The following KCNIP4 variants were observed in gnomAD, a reference collection of about 807,000 sequenced individuals.
The protein encoded by KCNIP4 is Kv channel-interacting protein 4.
KCNIP4 carries 12 observed loss-of-function variants against 34.0 expected under a neutral mutation model. The ratio of observed to expected loss-of-function variants is 0.35; its 90% CI spans 0.23 to 0.57. The LOEUF is 0.57. Ranked by LOEUF, KCNIP4 falls within the 20% of genes least tolerant of loss-of-function variation. The pLI is 0.83. For synonymous variants in KCNIP4, 124 were observed against 102.2 expected (o/e 1.21, Z -1.29); for missense variants, 238 against 311.7 (o/e 0.76, Z 1.78).
chr4:21,307,002 A>G (rs1272262690), intron 1 of KCNIP4, among the ~76,000 whole-genome samples: 4 of 151,958 alleles, frequency 2.6e-5, no homozygotes, highest in African/African-American at 9.7e-5. Flanking sequence ...TTGTATTTTT[A>G]GTAGAGACGG....
At chr4:21,774,168 A>G (rs930990389) in intron 1 of KCNIP4, among the ~76,000 whole-genome samples, 1 of 152,208 alleles carries the variant, frequency 6.6e-6, no homozygotes, top group Admixed American at 6.5e-5. Flanking sequence ...TTGTCTGGAA[A>G]GGATTTTATT....
At chr4:21,402,021 G>A (rs78730176) in intron 1 of KCNIP4, among the ~76,000 whole-genome samples, 1,804 of 152,272 alleles carry the variant, frequency 0.012, 56 homozygotes, top group South Asian at 0.11. Context: ...GGATGAAAAA[G>A]CAAGAAATGT....
intron 1 of KCNIP4, among the ~76,000 whole-genome samples, chr4:21,737,992 T>C (rs1716112463): frequency 6.6e-6 from 1 of 151,924 alleles, no homozygotes; most frequent in Admixed American, 6.6e-5. Context: ...CTCTGCAGGC[T>C]GAAGCAGGAG....
intron 1 of KCNIP4, among the ~76,000 whole-genome samples, chr4:21,504,520 A>AAGGAAGGAAGAAAGC (rs1560467143): frequency 1.4e-5 from 2 of 144,454 alleles, no homozygotes; most frequent in African/African-American, 5.1e-5. Flanking sequence ...AGGAAGGAAG[A>AAGGAAGGAAGAAAGC]AAGCAAGCAA....
intron 1 of KCNIP4, among the ~76,000 whole-genome samples, chr4:21,591,142 G>A (rs778226645): frequency 2.8e-4 from 42 of 151,938 alleles, no homozygotes; most frequent in Non-Finnish European, 4.6e-4. Flanking sequence ...TTTATTGAAG[G>A]ATTACTCAGA....
At chr4:21,771,017 A>G (rs7697406) in intron 1 of KCNIP4, among the ~76,000 whole-genome samples, 1 of 152,010 alleles carries the variant, frequency 6.6e-6, no homozygotes, top group African/African-American at 2.4e-5. Flanking sequence ...GTCTTTGCCC[A>G]TGCCTGTGTC....
chr4:21,482,240 A>G (rs13152340), intron 1 of KCNIP4, among the ~76,000 whole-genome samples: 17,975 of 152,182 alleles, frequency 0.12, 1,244 homozygotes, highest in South Asian at 0.17. Flanking sequence ...AATATAGCAC[A>G]CTGATGAGTC....
chr4:21,015,922 A>C (rs950430968), intron 1 of KCNIP4, among the ~76,000 whole-genome samples: 5 of 143,906 alleles, frequency 3.5e-5, no homozygotes, highest in African/African-American at 1.3e-4. Flanking sequence ...ATATATAAAT[A>C]TATATAAATT....
intron 1 of KCNIP4, among the ~76,000 whole-genome samples, chr4:20,907,185 GT>G (rs1303430517): frequency 6.6e-6 from 1 of 152,126 alleles, no homozygotes; most frequent in Non-Finnish European, 1.5e-5. Context: ...GACCCTTGAG[GT>G]TTATGATAAT....
chr4:21,786,239 G>A (rs144289748), intron 1 of KCNIP4, among the ~76,000 whole-genome samples: 7 of 152,298 alleles, frequency 4.6e-5, no homozygotes, highest in Middle Eastern at 3.4e-3. Context: ...GAGCCACCAT[G>A]CCCGGCCTCG....
At chr4:20,881,401 G>A (rs868639022) in intron 2 of KCNIP4, among the ~76,000 whole-genome samples, 1 of 152,208 alleles carries the variant, frequency 6.6e-6, no homozygotes, top group South Asian at 2.1e-4. Context: ...AGGTGGAGCT[G>A]TGGGTTATAG....
intron 1 of KCNIP4, among the ~76,000 whole-genome samples, chr4:21,281,191 A>C (rs901656557): frequency 2.0e-5 from 3 of 150,030 alleles, no homozygotes; most frequent in South Asian, 2.1e-4. Context: ...GGTTCAAGCA[A>C]CTCTCCTTCC....
chr4:21,549,904 A>T (rs1379142561), intron 1 of KCNIP4, among the ~76,000 whole-genome samples: 1 of 152,108 alleles, frequency 6.6e-6, no homozygotes, highest in Non-Finnish European at 1.5e-5. Context: ...GCTAGATTTC[A>T]GAAGTCCCTT....
chr4:20,872,363 C>T (rs746442404), intron 2 of KCNIP4, among the ~76,000 whole-genome samples: 16 of 152,064 alleles, frequency 1.1e-4, no homozygotes, highest in African/African-American at 2.7e-4. Flanking sequence ...TAAAGATGGA[C>T]CAATATTACC....
In KCNIP4 at chr4:21,777,761, GC is replaced by G. The variant is rs375900405; in HGVS notation, c.61+170809del. ...TTAATCAGCTCATTAAAAACATACA[GC>G]TTTATTTGTTTATATTTTTAAACAC... On this transcript the variant is annotated intron_variant, in intron 1 of 8. Coordinates refer to ENST00000382152, the MANE Select transcript of KCNIP4 (RefSeq NM_025221.6). Among the ~76,000 whole-genome samples, 70 of 152,172 alleles carry G rather than the reference GC, an allele frequency of 4.6e-4. 1 individual carries two copies. In the East Asian group the frequency reaches 0.011, roughly 25 times the overall value.
chr4:20,965,844 T>G (rs1486142688), intron 1 of KCNIP4, among the ~76,000 whole-genome samples: 1 of 152,214 alleles, frequency 6.6e-6, no homozygotes, highest in Non-Finnish European at 1.5e-5. Context: ...AGAAGAGAGA[T>G]ACAATAATAC....
intron 1 of KCNIP4, among the ~76,000 whole-genome samples, chr4:21,239,937 C>A (rs1449233032): frequency 2.0e-5 from 3 of 152,090 alleles, no homozygotes; most frequent in African/African-American, 7.2e-5. Context: ...ATGTTTATTG[C>A]AGCACTATTC....
intron 1 of KCNIP4, among the ~76,000 whole-genome samples, chr4:21,102,762 C>T (rs577283446): frequency 3.9e-5 from 6 of 152,268 alleles, no homozygotes; most frequent in South Asian, 2.1e-4. Flanking sequence ...GTAAACAAAG[C>T]TGCCTTTGTT....
chr4:21,864,964 T>C (rs984017522), intron 1 of KCNIP4, among the ~76,000 whole-genome samples: 5 of 152,198 alleles, frequency 3.3e-5, no homozygotes, highest in African/African-American at 9.6e-5. Context: ...ATCTGGACAT[T>C]GACAAGATGA....
Sources: allele counts gnomAD v4.1 joint callset (sites outside exome capture counted in the v4.1 genomes callset), GRCh38; gene constraint gnomAD v4.1.1; transcripts MANE v1.5; gene names NCBI Gene and HGNC (gene_info 2026-07-23, HGNC 2026-07-21).